Variants in FRK observed in about 807,000 individuals in gnomAD.
FRK encodes tyrosine-protein kinase FRK.
Under a neutral mutation model 56.4 loss-of-function variants are expected in FRK, and 51 were observed. The observed-to-expected ratio is 0.90, with a 90% confidence interval of 0.72 to 1.14. FRK has a LOEUF of 1.14. FRK is among the 50% of genes most tolerant of loss of function. The probability of loss-of-function intolerance (pLI) is 0.00; values close to 1 mark genes in which losing one functional copy is unlikely to be tolerated. For missense variants in FRK, 570 were observed against 601.4 expected (o/e 0.95, Z 0.55); for synonymous variants, 245 against 217.9 (o/e 1.12, Z -1.10).
chr6:116,077,036 A>C, the FRK span, among the ~76,000 whole-genome samples: 9,276 of 152,288 alleles, frequency 0.061, 425 homozygotes, highest in Admixed American at 0.14. Context: ...CAGATTGACT[A>C]TCCAAAAGAT....
At chr6:116,024,882 A>G (rs902834773) in intron 1 of FRK, among the ~76,000 whole-genome samples, 9 of 152,192 alleles carry the variant, frequency 5.9e-5, no homozygotes, top group African/African-American at 2.2e-4. Flanking sequence ...AGTCCCACCA[A>G]CAGTATAAAA....
At chr6:116,097,398 T>C in the FRK span, among the ~76,000 whole-genome samples, 1 of 152,210 alleles carries the variant, frequency 6.6e-6, no homozygotes, top group Non-Finnish European at 1.5e-5. Context: ...ATACAATGTT[T>C]AATTAGGAAT....
intron 2 of FRK, among the ~76,000 whole-genome samples, chr6:115,990,042 C>T (rs972865593): frequency 2.6e-5 from 4 of 151,596 alleles, no homozygotes; most frequent in East Asian, 1.9e-4. Flanking sequence ...GGATTAGCAA[C>T]GTTGAGTATT....
At chr6:116,057,661 A>G (rs1164812230) in intron 1 of FRK, among the ~76,000 whole-genome samples, 1 of 152,178 alleles carries the variant, frequency 6.6e-6, no homozygotes, top group Non-Finnish European at 1.5e-5. Flanking sequence ...AGGAAAGCTA[A>G]CTACAGAGAT....
chr6:116,001,280 T>C (rs79191286), intron 2 of FRK, among the ~76,000 whole-genome samples: 3,010 of 152,128 alleles, frequency 0.02, 47 homozygotes, highest in Non-Finnish European at 0.031. Context: ...GGATCCATGT[T>C]ATACACATAC....
intron 1 of FRK, chr6:116,039,304 C>G: frequency 6.9e-7 from 1 of 1,440,040 alleles, no homozygotes. Flanking sequence ...CCAGGAAGTA[C>G]ACGAGAAGTT....
intron 2 of FRK, among the ~76,000 whole-genome samples, chr6:115,985,652 C>T (rs1173080698): frequency 1.3e-5 from 2 of 152,010 alleles, no homozygotes; most frequent in African/African-American, 4.8e-5. Context: ...AATAATAGTA[C>T]CTACTTCAAA....
chr6:115,979,865 T>C (rs1253899697), intron 2 of FRK, among the ~76,000 whole-genome samples: 1 of 152,148 alleles, frequency 6.6e-6, no homozygotes, highest in Non-Finnish European at 1.5e-5. Context: ...CTTAAGTGTG[T>C]AGTAGGCTAT....
At chr6:116,021,837 TA>T in intron 1 of FRK, among the ~76,000 whole-genome samples, 1 of 151,288 alleles carries the variant, frequency 6.6e-6, no homozygotes, top group Non-Finnish European at 1.5e-5. Context: ...AAGACAACAG[TA>T]AAAAATGGTC....
At chr6:115,958,636 A>AAGG (rs1773118402) in intron 4 of FRK, among the ~76,000 whole-genome samples, 1 of 4,694 alleles carries the variant, frequency 2.1e-4, no homozygotes, top group Non-Finnish European at 7.1e-4. Context: ...TCAAAAAAGG[A>AAGG]AAGAAAGAAA....
intron 1 of FRK, among the ~76,000 whole-genome samples, chr6:116,054,788 T>C (rs1777328112): frequency 6.6e-6 from 1 of 151,850 alleles, no homozygotes; most frequent in African/African-American, 2.4e-5. Flanking sequence ...ATTGTGGAAC[T>C]GATCGCACAC....
At chr6:116,044,924 C>A (rs1776879074) in intron 1 of FRK, among the ~76,000 whole-genome samples, 1 of 152,134 alleles carries the variant, frequency 6.6e-6, no homozygotes, top group African/African-American at 2.4e-5. Flanking sequence ...CACAAGCATT[C>A]CTATACACCA....
At chr6:116,075,320 A>AC in the FRK span, among the ~76,000 whole-genome samples, 1 of 152,122 alleles carries the variant, frequency 6.6e-6, no homozygotes, top group Admixed American at 6.5e-5. Context: ...TATAGTATCT[A>AC]CACCATATGG....
intron 1 of FRK, among the ~76,000 whole-genome samples, chr6:116,015,509 T>C (rs1775616193): frequency 6.6e-6 from 1 of 152,080 alleles, no homozygotes; most frequent in Non-Finnish European, 1.5e-5. Context: ...AAAGAAAAAC[T>C]GAAAATGTGG....
At chr6:116,090,299 C>G in the FRK span, among the ~76,000 whole-genome samples, 2 of 152,190 alleles carry the variant, frequency 1.3e-5, no homozygotes, top group Admixed American at 6.5e-5. Context: ...TGAGAGAAAA[C>G]AGCTTTGCAG....
Position 115,984,445 on chromosome 6 carries a change from CT to C in FRK, c.467-15707del, listed in dbSNP as rs536583259. Among the ~76,000 whole-genome samples the C allele has an allele frequency of 2.0e-4, 30 of 152,134 alleles. No individual in the cohort carries two copies. The South Asian group carries it at 6.2e-3, about 32-fold the overall frequency. ...GTGAAGCTGAGATGGCTTAAACAGT[CT>C]GTTCAAGACCACTCAACTATTAAGT... On this transcript the variant is annotated intron_variant, in intron 2 of 7. Coordinates refer to ENST00000606080, the MANE Select transcript of FRK (RefSeq NM_002031.3).
the FRK span, among the ~76,000 whole-genome samples, chr6:116,073,231 C>A: frequency 6.6e-6 from 1 of 152,102 alleles, no homozygotes; most frequent in Non-Finnish European, 1.5e-5. Context: ...TTTTCTCTGT[C>A]TTGGACTTCA....
intron 5 of FRK, among the ~76,000 whole-genome samples, chr6:115,947,590 G>A (rs531009632): frequency 1.4e-4 from 22 of 151,998 alleles, no homozygotes; most frequent in Admixed American, 3.9e-4. Context: ...CATCTTTATG[G>A]CTAGAGGGAT....
At chr6:115,969,181 T>C (rs1035277776) in intron 2 of FRK, among the ~76,000 whole-genome samples, 3 of 152,184 alleles carry the variant, frequency 2.0e-5, no homozygotes, top group Non-Finnish European at 4.4e-5. Flanking sequence ...CATGAAATCC[T>C]ATAATGTGGC....
Sources: allele counts gnomAD v4.1 joint callset (sites outside exome capture counted in the v4.1 genomes callset), GRCh38; gene constraint gnomAD v4.1.1; transcripts MANE v1.5; gene names NCBI Gene and HGNC (gene_info 2026-07-23, HGNC 2026-07-21).